The following GPHN variants were observed in gnomAD, a reference collection of about 807,000 sequenced individuals.
The protein encoded by GPHN is gephyrin.
GPHN carries 17 observed loss-of-function variants against 95.5 expected under a neutral mutation model. That is an observed-to-expected ratio of 0.18 (90% CI 0.12 to 0.27). The LOEUF is 0.27. Among genes scored for constraint, GPHN ranks in the 10% least tolerant of loss-of-function variants. The pLI is 1.00. For missense variants in GPHN, 660 were observed against 978.1 expected (o/e 0.67, Z 4.34); for synonymous variants, 320 against 322.5 (o/e 0.99, Z 0.08).
the GPHN span, among the ~76,000 whole-genome samples, chr14:67,534,466 G>A: frequency 1.3e-5 from 2 of 152,038 alleles, no homozygotes; most frequent in Non-Finnish European, 2.9e-5. Flanking sequence ...TGGGCCTGTA[G>A]TCCCAGCTAA....
intron 19 of GPHN, among the ~76,000 whole-genome samples, chr14:67,164,048 C>G (rs1391688709): frequency 1.3e-5 from 2 of 151,860 alleles, no homozygotes; most frequent in East Asian, 3.9e-4. Flanking sequence ...GCAGGCGGAT[C>G]ACCTGAGGTC....
chr14:67,045,583 G>A (rs2074969645), intron 10 of GPHN, among the ~76,000 whole-genome samples: 1 of 143,518 alleles, frequency 7.0e-6, no homozygotes, highest in Non-Finnish European at 1.5e-5. Context: ...CTCTGTCTCA[G>A]TGTCTGTCTG....
intron 11 of GPHN, among the ~76,000 whole-genome samples, chr14:67,060,101 G>GTT (rs144726015): frequency 4.6e-5 from 7 of 150,784 alleles, no homozygotes; most frequent in Non-Finnish European, 8.9e-5. Flanking sequence ...ACCATCCCTG[G>GTT]TTTTTTCTTT....
chr14:66,881,504 T>C (rs1436820184), intron 5 of GPHN, among the ~76,000 whole-genome samples: 1 of 151,878 alleles, frequency 6.6e-6, no homozygotes, highest in African/African-American at 2.4e-5. Flanking sequence ...GTAAACATAA[T>C]AATATGCTTA....
At chr14:67,148,059 A>G (rs1318036279) in intron 18 of GPHN, among the ~76,000 whole-genome samples, 1 of 152,204 alleles carries the variant, frequency 6.6e-6, no homozygotes, top group Non-Finnish European at 1.5e-5. Flanking sequence ...TTAAAAAAGA[A>G]TGGGGCACTT....
At chr14:67,225,358 TA>T in the GPHN span, 21 of 770,258 alleles carry the variant, frequency 2.7e-5, no homozygotes, top group Non-Finnish European at 3.6e-5. Flanking sequence ...CTTTTAACAT[TA>T]AATCTTATTC....
At chr14:67,199,830 T>C in the GPHN span, 2 of 1,500,950 alleles carry the variant, frequency 1.3e-6, no homozygotes, top group Non-Finnish European at 1.8e-6. Context: ...CCACCTGGGA[T>C]ACCCCCAGCC....
chr14:67,078,256 T>A (rs1342180901), intron 11 of GPHN, among the ~76,000 whole-genome samples: 1 of 152,096 alleles, frequency 6.6e-6, no homozygotes, highest in East Asian at 1.9e-4. Flanking sequence ...AAAGCCATCT[T>A]TTGCTTATTA....
chr14:67,441,827 AGCACT>A, the GPHN span: 17 of 152,260 alleles, frequency 1.1e-4, no homozygotes, highest in African/African-American at 4.1e-4. Flanking sequence ...TGGAACTCAC[AGCACT>A]GGCTCTCCTG....
At chr14:66,735,756 TG>T (rs1459800452) in intron 2 of GPHN, among the ~76,000 whole-genome samples, 1 of 152,150 alleles carries the variant, frequency 6.6e-6, no homozygotes, top group Non-Finnish European at 1.5e-5. Flanking sequence ...AGCATCTTTC[TG>T]GAGATCTGGT....
Position 66,800,219 on chromosome 14 carries a change from TTAAGA to T in GPHN, c.201+23704_201+23708del, listed in dbSNP as rs373199423. 3.1e-3 allele frequency among the ~76,000 whole-genome samples: 475 copies of T among 152,248 alleles called. 10 individuals are homozygous for T. Among genetic ancestry groups the T allele is most frequent in the African/African-American group, 0.011 (445 of 41,568 alleles). On this transcript the variant is annotated intron_variant, in intron 3 of 22. Coordinates refer to ENST00000478722, the MANE Select transcript of GPHN (RefSeq NM_020806.5). ...TTAATTGGTTTATTAGTCTTTCTAC[TTAAGA>T]TAAGAATAGTCTGCAAACCCCAGTT...
At chr14:67,223,040 C>T in the GPHN span, among the ~76,000 whole-genome samples, 1 of 141,710 alleles carries the variant, frequency 7.1e-6, no homozygotes, top group Non-Finnish European at 1.5e-5. Context: ...CCCTCTTTCG[C>T]CCAAGCCAGA....
intron 1 of GPHN, among the ~76,000 whole-genome samples, chr14:66,572,763 A>G (rs73279801): frequency 0.072 from 10,918 of 152,012 alleles, 968 homozygotes; most frequent in African/African-American, 0.2. Context: ...TTTTTGCCTA[A>G]TTTCTCTAAC....
At chr14:66,657,800 G>A (rs2065394184) in intron 1 of GPHN, among the ~76,000 whole-genome samples, 1 of 152,142 alleles carries the variant, frequency 6.6e-6, no homozygotes, top group African/African-American at 2.4e-5. Context: ...CCCCTCGTCA[G>A]CCAAGAGCTC....
the GPHN span, chr14:67,660,134 T>C: frequency 2.0e-6 from 1 of 498,414 alleles, no homozygotes. Context: ...GGCATTCGAG[T>C]ATATGAACTG....
In GPHN at chr14:66,570,935, G is replaced by A. The variant is rs146659581; in HGVS notation, c.64+62344G>A. On this transcript the variant is annotated intron_variant, in intron 1 of 22. Transcript: ENST00000478722. ...CCTTTTTTGAGAAATGTCTTTTTCA[G>A]GTCTTTAGCCTGTTTTTTAACCTGG... Among the ~76,000 whole-genome samples, 1,448 of 151,992 alleles carry A rather than the reference G, an allele frequency of 9.5e-3. 25 individuals are homozygous for A. The highest frequency in any genetic ancestry group is 0.032 in the African/African-American group (1,311 of 41,482).
the GPHN span, among the ~76,000 whole-genome samples, chr14:67,659,508 T>C: frequency 2.0e-5 from 3 of 150,812 alleles, no homozygotes; most frequent in Non-Finnish European, 3.0e-5. Flanking sequence ...ATATTAAGGA[T>C]AAAAAGAAAT....
the GPHN span, chr14:67,692,021 A>G: frequency 1.9e-5 from 3 of 156,664 alleles, no homozygotes; most frequent in Non-Finnish European, 2.8e-5. Context: ...GCTGGTGGCC[A>G]GGATTTTTAT....
intron 1 of GPHN, among the ~76,000 whole-genome samples, chr14:66,577,426 A>T (rs1462048920): frequency 1.3e-5 from 2 of 152,136 alleles, no homozygotes; most frequent in African/African-American, 4.8e-5. Flanking sequence ...GTGCTTCTTA[A>T]GTTTCAGTTA....
Sources: gnomAD v4.1 joint callset for allele counts (sites outside exome capture counted in the v4.1 genomes callset) on GRCh38, gnomAD v4.1.1 for gene constraint, MANE v1.5 for transcripts, NCBI Gene and HGNC (gene_info 2026-07-23, HGNC 2026-07-21) for gene names.